Variants in PRKAA2 observed in about 807,000 individuals in gnomAD.
PRKAA2 encodes protein kinase AMP-activated catalytic subunit alpha 2, also known as 5'-AMP-activated protein kinase catalytic subunit alpha-2.
A neutral mutation model predicts 56.3 loss-of-function variants in PRKAA2; 40 were observed. The observed-to-expected ratio is 0.71, with a 90% CI of 0.55 to 0.92. The LOEUF (loss-of-function observed/expected upper bound fraction) is 0.92. Ranked by LOEUF, PRKAA2 falls within the 40% of genes least tolerant of loss-of-function variation. The pLI is 0.00. For synonymous variants in PRKAA2, 214 were observed against 234.2 expected, an observed-to-expected ratio of 0.91 and a Z score of 0.79; for missense variants, 542 against 686.9, an observed-to-expected ratio of 0.79 and a Z score of 2.36.
At chr1:56,702,063 C>T (rs1644297730) in intron 6 of PRKAA2, among the ~76,000 whole-genome samples, 1 of 151,966 alleles carries the variant, frequency 6.6e-6, no homozygotes, top group African/African-American at 2.4e-5. Flanking sequence ...CAACTAGCAT[C>T]ACCATCATCA....
intron 6 of PRKAA2, among the ~76,000 whole-genome samples, chr1:56,703,310 T>C (rs929927636): frequency 6.6e-6 from 1 of 152,200 alleles, no homozygotes; most frequent in African/African-American, 2.4e-5. Flanking sequence ...TAAGAAAATA[T>C]GTAATTTACT....
chr1:56,647,461 C>T (rs902960475), intron 1 of PRKAA2, among the ~76,000 whole-genome samples: 3 of 152,192 alleles, frequency 2.0e-5, no homozygotes, highest in African/African-American at 7.2e-5. Context: ...TTGCCAAAGA[C>T]AACTTAAATC....
intron 1 of PRKAA2, among the ~76,000 whole-genome samples, 173 bp downstream of exon 1, chr1:56,645,654 A>G (rs1646634379): frequency 6.6e-6 from 1 of 151,940 alleles, no homozygotes; most frequent in East Asian, 2.0e-4. Flanking sequence ...CTCGCCTGGC[A>G]CCGGCGCCCG....
intron 6 of PRKAA2, among the ~76,000 whole-genome samples, chr1:56,696,807 A>T (rs916774364): frequency 2.6e-5 from 4 of 152,110 alleles, no homozygotes; most frequent in Admixed American, 1.3e-4. Context: ...GCCATTGCTG[A>T]TGCGCCTATG....
intron 7 of PRKAA2, among the ~76,000 whole-genome samples, chr1:56,705,538 G>T (rs1644325806): frequency 6.6e-6 from 1 of 152,074 alleles, no homozygotes; most frequent in African/African-American, 2.4e-5. Flanking sequence ...TGGGACTACA[G>T]GCGCCTGCCA....
intron 1 of PRKAA2, among the ~76,000 whole-genome samples, chr1:56,664,904 A>G (rs2796520): frequency 0.21 from 32,331 of 151,384 alleles, 4,023 homozygotes; most frequent in South Asian, 0.46. Flanking sequence ...ATATACATAC[A>G]TACAAACAGC....
chr1:56,663,357 G>A (rs1320250238), intron 1 of PRKAA2, among the ~76,000 whole-genome samples: 3 of 152,146 alleles, frequency 2.0e-5, no homozygotes, highest in Non-Finnish European at 4.4e-5. Flanking sequence ...CAAAGTGTTG[G>A]GATTCACAGG....
chr1:56,653,668 C>A (rs1446318880), intron 1 of PRKAA2, among the ~76,000 whole-genome samples: 5 of 152,238 alleles, frequency 3.3e-5, no homozygotes, highest in Admixed American at 1.3e-4. Flanking sequence ...CTTAAACCCA[C>A]AATTAGCTGA....
intron 2 of PRKAA2, among the ~76,000 whole-genome samples, chr1:56,685,707 C>CTA (rs1037505153): frequency 2.6e-5 from 4 of 151,954 alleles, no homozygotes; most frequent in African/African-American, 9.7e-5. Context: ...CATTTTGCTG[C>CTA]TATAAAGGAT....
At chr1:56,662,582 C>T (rs752698723) in intron 1 of PRKAA2, among the ~76,000 whole-genome samples, 9 of 152,198 alleles carry the variant, frequency 5.9e-5, no homozygotes, top group South Asian at 2.1e-4. Context: ...CCACCATGCC[C>T]GGCCAACTTT....
At chr1:56,678,944 T>C (rs946010932) in intron 2 of PRKAA2, among the ~76,000 whole-genome samples, 3 of 152,164 alleles carry the variant, frequency 2.0e-5, no homozygotes, top group Non-Finnish European at 4.4e-5. Flanking sequence ...TCTGCCCACC[T>C]TGGCCTCCCA....
At position 56,648,444 on chromosome 1, in the gene PRKAA2, G is replaced by A. The variant is rs566314956; in HGVS notation, c.94+2963G>A. ...CCATTGTGTGGATATGCCACATTTT[G>A]TCTATACAAAACCAGTTGATGGTCA... On this transcript the variant is annotated intron_variant, in intron 1 of 8. Coordinates refer to ENST00000371244, the MANE Select transcript of PRKAA2 (RefSeq NM_006252.4). Among the ~76,000 whole-genome samples, 9 of 152,226 alleles carry A rather than the reference G, an allele frequency of 5.9e-5. No homozygotes were observed. The East Asian group carries it at 1.7e-3, about 29-fold the overall frequency.
At chr1:56,646,963 A>G (rs879475293) in intron 1 of PRKAA2, among the ~76,000 whole-genome samples, 1 of 152,198 alleles carries the variant, frequency 6.6e-6, no homozygotes, top group Non-Finnish European at 1.5e-5. Context: ...ATCAGAATAT[A>G]TATGTAAAAG....
chr1:56,702,614 G>C (rs1352081328), intron 6 of PRKAA2, among the ~76,000 whole-genome samples: 1 of 152,074 alleles, frequency 6.6e-6, no homozygotes, highest in Non-Finnish European at 1.5e-5. Flanking sequence ...GCTCATTCCA[G>C]TTCCTAGAGC....
intron 1 of PRKAA2, among the ~76,000 whole-genome samples, chr1:56,660,698 C>T (rs558364114): frequency 4.6e-4 from 70 of 152,194 alleles, no homozygotes; most frequent in African/African-American, 1.6e-3. Flanking sequence ...TGAGCTTGGG[C>T]GTTAGAGGCA....
intron 1 of PRKAA2, among the ~76,000 whole-genome samples, chr1:56,671,712 C>T (rs1036223821): frequency 6.6e-6 from 1 of 152,220 alleles, no homozygotes; most frequent in African/African-American, 2.4e-5. Context: ...GAGGGTATTA[C>T]TCTGTGGCAG....
At chr1:56,660,335 T>C (rs922342314) in intron 1 of PRKAA2, among the ~76,000 whole-genome samples, 5 of 152,206 alleles carry the variant, frequency 3.3e-5, no homozygotes, top group African/African-American at 1.2e-4. Context: ...TCATTTTACA[T>C]ATTTTATTAG....
chr1:56,657,047 GCCC>G (rs1557543213), intron 1 of PRKAA2, among the ~76,000 whole-genome samples: 1 of 152,144 alleles, frequency 6.6e-6, no homozygotes, highest in East Asian at 1.9e-4. Flanking sequence ...AGATTCAGAA[GCCC>G]CCAGCAGAAT....
At chr1:56,666,009 T>C (rs1644033373) in intron 1 of PRKAA2, among the ~76,000 whole-genome samples, 1 of 152,206 alleles carries the variant, frequency 6.6e-6, no homozygotes, top group Non-Finnish European at 1.5e-5. Context: ...ACTTGGAATA[T>C]ATAGATAATA....
Sources: gnomAD v4.1 joint callset for allele counts (sites outside exome capture counted in the v4.1 genomes callset) on GRCh38, gnomAD v4.1.1 for gene constraint, MANE v1.5 for transcripts, NCBI Gene and HGNC (gene_info 2026-07-23, HGNC 2026-07-21) for gene names.